GCH1: variants seen among roughly 807,000 people sequenced by gnomAD.
GCH1 encodes GTP cyclohydrolase 1.
A neutral mutation model predicts 25.9 loss-of-function variants in GCH1; 5 were observed. That is an observed-to-expected ratio of 0.19 (90% CI 0.10 to 0.41). GCH1 has a LOEUF of 0.41. GCH1 is among the 10% of genes least tolerant of loss of function. The pLI is 1.00. For synonymous variants in GCH1, 159 were observed against 129.6 expected (o/e 1.23, Z -1.54); for missense variants, 261 against 336.5 (o/e 0.78, Z 1.75).
chr14:54,847,006 G>A, intron 4 of GCH1, 93 bp downstream of exon 4: 1 of 542,846 alleles, frequency 1.8e-6, no homozygotes, highest in Non-Finnish European at 3.4e-6. Flanking sequence ...CTCCAGCCTG[G>A]GTGACAGAGC....
intron 1 of GCH1, among the ~76,000 whole-genome samples, chr14:54,878,518 T>C (rs867025885): frequency 1.3e-5 from 2 of 152,170 alleles, no homozygotes; most frequent in African/African-American, 2.4e-5. Context: ...CAGACCCTCA[T>C]AGTTCCATCT....
chr14:54,896,897 C>T (rs1180987226), intron 1 of GCH1, among the ~76,000 whole-genome samples: 1 of 140,520 alleles, frequency 7.1e-6, no homozygotes, highest in Non-Finnish European at 1.5e-5. Context: ...CCAGCCTGGG[C>T]TACAGAGTGA....
chr14:54,890,452 C>G (rs1015970330), intron 1 of GCH1, among the ~76,000 whole-genome samples: 3 of 152,100 alleles, frequency 2.0e-5, no homozygotes, highest in Admixed American at 2.0e-4. Context: ...GAGACGAGAT[C>G]GCGCCATTGC....
intron 1 of GCH1, among the ~76,000 whole-genome samples, 157 bp downstream of exon 1, chr14:54,902,164 G>C (rs887333227): frequency 2.6e-5 from 4 of 152,196 alleles, no homozygotes; most frequent in Non-Finnish European, 5.9e-5. Flanking sequence ...GCAGGGCCTC[G>C]GCAGGGCGGC....
At chr14:54,878,881 G>C (rs1165350962) in intron 1 of GCH1, among the ~76,000 whole-genome samples, 1 of 151,838 alleles carries the variant, frequency 6.6e-6, no homozygotes, top group Non-Finnish European at 1.5e-5. Flanking sequence ...CTCCCACCTT[G>C]GCCTCCCCAG....
At chr14:54,879,290 A>G (rs1015125413) in intron 1 of GCH1, among the ~76,000 whole-genome samples, 2 of 151,948 alleles carry the variant, frequency 1.3e-5, no homozygotes, top group African/African-American at 4.8e-5. Flanking sequence ...ATGTGGTGCC[A>G]TGCACCCGTA....
rs548743824 is a variant in GCH1 at position 54,850,187 on chromosome 14, C to T, written c.510-3057G>A. Among the ~76,000 whole-genome samples, 13 of 152,018 alleles carry T rather than the reference C, an allele frequency of 8.6e-5. No individual in the cohort carries two copies. In the East Asian group the frequency reaches 9.7e-4, roughly 11 times the overall value. ...CAGGGTTTCACCATGTTGGCCAGGC[C>T]GGTCTTGAACTCCTGACCTCATGAT... On this transcript the variant is annotated intron_variant, in intron 3 of 5. Coordinates refer to ENST00000491895, the MANE Select transcript of GCH1 (RefSeq NM_000161.3).
chr14:54,865,384 C>T lies in GCH1; in HGVS notation c.396G>A (p.Val132=). The change falls in exon 2 of 6, where the codon GTG becomes GTA. Residue 132 remains valine, a synonymous_variant. Coordinates refer to ENST00000491895, the MANE Select transcript of GCH1 (RefSeq NM_000161.3). ...ACATGGAAAACATGTCTATGTCCTT[C>T]ACAATCACCATCTCATCATGATCTT... ...FDEDHDEMVI[V]KDIDMFSMCE... is the part of the protein sequence containing the mutation. The T allele has an allele frequency of 6.3e-7, 1 of 1,596,866 alleles. No homozygotes were observed. Among genetic ancestry groups the T allele is most frequent in the Non-Finnish European group, 8.6e-7 (1 of 1,164,638 alleles).
At chr14:54,891,740 T>G (rs974129922) in intron 1 of GCH1, among the ~76,000 whole-genome samples, 5 of 152,158 alleles carry the variant, frequency 3.3e-5, no homozygotes, top group Non-Finnish European at 7.4e-5. Context: ...ATGCACGCTA[T>G]TCTGAGTATT....
intron 1 of GCH1, among the ~76,000 whole-genome samples, chr14:54,865,790 T>C (rs976084293): frequency 1.3e-5 from 2 of 152,192 alleles, no homozygotes; most frequent in African/African-American, 4.8e-5. Flanking sequence ...TTACATTTTC[T>C]TCTACTTTAT....
chr14:54,900,165 C>T (rs1229970366), intron 1 of GCH1, among the ~76,000 whole-genome samples: 2 of 144,636 alleles, frequency 1.4e-5, no homozygotes, highest in African/African-American at 2.6e-5. Flanking sequence ...GCGCCCGGCC[C>T]ATGGACTTTT....
chr14:54,854,429 A>C (rs996558412), intron 3 of GCH1, among the ~76,000 whole-genome samples: 1 of 152,202 alleles, frequency 6.6e-6, no homozygotes, highest in Admixed American at 6.5e-5. Flanking sequence ...GAGCACACGC[A>C]GCAGTGGATG....
chr14:54,874,413 T>C (rs562550761), intron 1 of GCH1, among the ~76,000 whole-genome samples: 135 of 152,298 alleles, frequency 8.9e-4, no homozygotes, highest in African/African-American at 3.2e-3. Context: ...ACTGGAAGCA[T>C]TCCCTTTGAA....
At chr14:54,864,654 TG>T (rs2039965811) in intron 2 of GCH1, among the ~76,000 whole-genome samples, 1 of 152,208 alleles carries the variant, frequency 6.6e-6, no homozygotes, top group Non-Finnish European at 1.5e-5. Context: ...TATTCTCTAT[TG>T]AAAAGAGAAT....
At chr14:54,876,366 T>C (rs536384450) in intron 1 of GCH1, among the ~76,000 whole-genome samples, 1 of 152,130 alleles carries the variant, frequency 6.6e-6, no homozygotes, top group African/African-American at 2.4e-5. Context: ...AGGGGAGGGA[T>C]AGCATTAGGA....
chr14:54,854,548 GAA>G (rs910820995), intron 3 of GCH1, among the ~76,000 whole-genome samples: 22 of 152,200 alleles, frequency 1.4e-4, no homozygotes, highest in African/African-American at 5.1e-4. Context: ...GTGAACTACA[GAA>G]AAGTTTTAAA....
intron 1 of GCH1, among the ~76,000 whole-genome samples, chr14:54,893,855 T>C (rs543732772): frequency 2.6e-5 from 4 of 152,240 alleles, no homozygotes; most frequent in Non-Finnish European, 1.5e-5. Flanking sequence ...TCTCCTGGCA[T>C]TGGTCAAGTT....
chr14:54,842,044 T>C lies in GCH1; in HGVS notation c.*1973A>G, dbSNP rs899492456. 6.6e-6 allele frequency: 1 copy of C among 152,206 alleles called. No homozygotes were observed. Among genetic ancestry groups the C allele is most frequent in the African/African-American group, 2.4e-5 (1 of 41,450 alleles). 9.4% of individuals were successfully genotyped at this position (152,206 alleles called of 1,614,324 possible). On this transcript the variant is annotated 3_prime_UTR_variant, in exon 6 of 6. Transcript: ENST00000491895. Reference sequence around the variant, plus strand: ...AGTTACAATAGTTTAATAATTTAAATAGGACCACCTTCAGGAACATACATA... The same window carrying C: ...AGTTACAATAGTTTAATAATTTAAACAGGACCACCTTCAGGAACATACATA...
chr14:54,846,229 G>A (rs2039639561), intron 4 of GCH1, among the ~76,000 whole-genome samples: 1 of 152,184 alleles, frequency 6.6e-6, no homozygotes, highest in Non-Finnish European at 1.5e-5. Context: ...TAACAAAGGG[G>A]CTGCAGTCCA....
Sources: gnomAD v4.1 joint callset for allele counts (sites outside exome capture counted in the v4.1 genomes callset) on GRCh38, gnomAD v4.1.1 for gene constraint, MANE v1.5 for transcripts, NCBI Gene and HGNC (gene_info 2026-07-23, HGNC 2026-07-21) for gene names.